The following MID2 variants were observed in gnomAD, a reference collection of about 807,000 sequenced individuals.
The protein encoded by MID2 is midline 2.
In MID2, 13 loss-of-function variants were observed where a neutral mutation model predicts 46.1. The observed-to-expected ratio is 0.28, with a 90% CI of 0.18 to 0.45. The LOEUF (loss-of-function observed/expected upper bound fraction) is 0.45, where lower values mean the gene tolerates loss of function less well. Among genes scored for constraint, MID2 ranks in the 20% least tolerant of loss-of-function variants. The pLI is 1.00. For missense variants in MID2, 431 were observed against 575.4 expected, an observed-to-expected ratio of 0.75 and a Z score of 2.57; for synonymous variants, 199 against 212.3, an observed-to-expected ratio of 0.94 and a Z score of 0.55.
chrX:107,884,614 C>T (rs73531498), intron 3 of MID2, among the ~76,000 whole-genome samples: 2,088 of 111,053 alleles, frequency 0.019, 52 homozygotes, highest in African/African-American at 0.064. Flanking sequence ...ACAGGAAAAT[C>T]CTCAAAAAAA....
intron 3 of MID2, among the ~76,000 whole-genome samples, chrX:107,877,594 A>C (rs929551943): frequency 8.9e-6 from 1 of 112,112 alleles, no homozygotes; most frequent in Non-Finnish European, 1.9e-5. Flanking sequence ...GCCTGCACTC[A>C]TAAAACAAGG....
chrX:107,905,113 A>G (rs746690833), intron 4 of MID2, among the ~76,000 whole-genome samples: 3 of 112,274 alleles, frequency 2.7e-5, no homozygotes, highest in East Asian at 5.6e-4. Context: ...AATGTAAACA[A>G]TTATAATCTC....
chrX:107,903,397 G>A (rs1381157670), intron 3 of MID2, among the ~76,000 whole-genome samples: 2 of 109,829 alleles, frequency 1.8e-5, no homozygotes, highest in Non-Finnish European at 3.8e-5. Flanking sequence ...AAATAGGAAA[G>A]GTATTCAGAT....
chrX:107,826,205 C>T lies in MID2; in HGVS notation c.-222C>T. ...GTAGCATCGCGGCCGCCGTGCTGTC[C>T]CCTGCGGGGCGCGCGGGCTGGCGGA... On this transcript the variant is annotated 5_prime_UTR_variant, in exon 1 of 10. Coordinates refer to ENST00000262843, the MANE Select transcript of MID2 (RefSeq NM_012216.4). The T allele has an allele frequency of 3.2e-6, 1 of 313,992 alleles. No homozygotes were observed. The highest frequency in any genetic ancestry group is 1.8e-4 in the South Asian group (1 of 5,595). The allele number at this position is 313,992 out of a possible 1,213,427, so 25.9% of individuals were successfully genotyped here. A position where few individuals can be genotyped will look rare whatever the true frequency, so the allele number is the denominator to read the frequency against.
At position 107,914,286 on chromosome X, in the gene MID2, T is replaced by C. The variant is rs186437697; in HGVS notation, c.1074-1716T>C. 1.1e-4 allele frequency among the ~76,000 whole-genome samples: 12 copies of C among 112,061 alleles called. 1 individual carries two copies. The Admixed American group carries it at 1.1e-3, about 11-fold the overall frequency. ...AGATGGATGGAGGAAATAAAGAAGA[T>C]TGGAGAGGCCAGAAAGAAATTCCAT... On this transcript the variant is annotated intron_variant, in intron 5 of 9. Transcript: ENST00000262843.
chrX:107,835,459 T>G, intron 1 of MID2, among the ~76,000 whole-genome samples: 1 of 112,367 alleles, frequency 8.9e-6, no homozygotes, highest in East Asian at 2.8e-4. Flanking sequence ...ATTTTTTATT[T>G]CTACCTGCAA....
At chrX:107,878,539 T>C (rs1009210233) in intron 3 of MID2, among the ~76,000 whole-genome samples, 3 of 112,517 alleles carry the variant, frequency 2.7e-5, no homozygotes, top group African/African-American at 9.7e-5. Context: ...TTTCAAACCA[T>C]AGAAGAAGAA....
chrX:107,850,723 C>T (rs1336487844), intron 2 of MID2, among the ~76,000 whole-genome samples: 2 of 112,003 alleles, frequency 1.8e-5, no homozygotes, highest in African/African-American at 3.2e-5. Context: ...TAACTCAAGG[C>T]GCATAGTCTA....
intron 1 of MID2, among the ~76,000 whole-genome samples, chrX:107,830,228 T>C (rs1228409781): frequency 8.9e-6 from 1 of 112,464 alleles, no homozygotes; most frequent in Non-Finnish European, 1.9e-5. Context: ...CACAGAGCCC[T>C]TAAAAGGGTG....
intron 7 of MID2, among the ~76,000 whole-genome samples, chrX:107,920,354 G>A (rs1439529924): frequency 8.9e-6 from 1 of 112,067 alleles, no homozygotes; most frequent in African/African-American, 3.2e-5. Flanking sequence ...CACAACCAAT[G>A]ATGTTTCAGA....
intron 3 of MID2, among the ~76,000 whole-genome samples, chrX:107,865,916 C>T (rs987406054): frequency 5.3e-5 from 6 of 112,505 alleles, no homozygotes; most frequent in African/African-American, 1.3e-4. Flanking sequence ...GGCAGGTTTA[C>T]GAATGTCCAA....
At chrX:107,883,044 G>T (rs180691544) in intron 3 of MID2, among the ~76,000 whole-genome samples, 2 of 111,442 alleles carry the variant, frequency 1.8e-5, no homozygotes, top group African/African-American at 6.5e-5. Flanking sequence ...AGTTCCTGTC[G>T]TTTGCAGGGA....
At chrX:107,847,412 A>G (rs765288713) in intron 2 of MID2, among the ~76,000 whole-genome samples, 1 of 111,749 alleles carries the variant, frequency 8.9e-6, no homozygotes, top group African/African-American at 3.3e-5. Flanking sequence ...AAAACAGGGA[A>G]TCATGAGTGA....
At chrX:107,828,305 C>CTTT (rs1290598489) in intron 1 of MID2, among the ~76,000 whole-genome samples, 2 of 89,055 alleles carry the variant, frequency 2.2e-5, no homozygotes, top group African/African-American at 1.1e-4. Flanking sequence ...TTCTTTCTTT[C>CTTT]TTTTCTTTTT....
At position 107,928,449 on chromosome X, in the gene MID2, G is replaced by A. The variant is rs1032860866; in HGVS notation, c.*1376G>A. Reference sequence around the variant, plus strand: ...TCGAAGGGATTGGGGATGTCAGAGAGCCAGAGCTTTCCCCTTTCCAGGAGC... The same window carrying A: ...TCGAAGGGATTGGGGATGTCAGAGAACCAGAGCTTTCCCCTTTCCAGGAGC... On this transcript the variant is annotated 3_prime_UTR_variant, in exon 10 of 10. Transcript: ENST00000262843. Among the ~76,000 whole-genome samples the A allele has an allele frequency of 7.2e-5, 8 of 110,619 alleles. No homozygotes were observed. The highest frequency in any genetic ancestry group is 2.0e-4 in the African/African-American group (6 of 30,368).
chrX:107,918,954 A>T (rs1265445083), intron 7 of MID2, among the ~76,000 whole-genome samples: 1 of 111,663 alleles, frequency 9.0e-6, no homozygotes, highest in African/African-American at 3.3e-5. Context: ...TGATAGGATC[A>T]TAGCATCTTA....
intron 3 of MID2, among the ~76,000 whole-genome samples, chrX:107,882,668 A>G (rs1296674800): frequency 8.9e-6 from 1 of 112,057 alleles, no homozygotes; most frequent in Non-Finnish European, 1.9e-5. Context: ...ATCTCACACC[A>G]GTTAGAATGG....
intron 2 of MID2, among the ~76,000 whole-genome samples, chrX:107,851,479 A>G (rs1312185125): frequency 9.0e-6 from 1 of 111,272 alleles, no homozygotes; most frequent in Non-Finnish European, 1.9e-5. Context: ...GACTTGCATT[A>G]CCCTACGGCC....
chrX:107,894,951 A>G (rs978673684), intron 3 of MID2: 1 of 109,598 alleles, frequency 9.1e-6, no homozygotes, highest in Non-Finnish European at 1.9e-5. Context: ...ATGTTGGTTG[A>G]CCAGGCCTGC....
Sources: gnomAD v4.1 joint callset for allele counts (sites outside exome capture counted in the v4.1 genomes callset) on GRCh38, gnomAD v4.1.1 for gene constraint, MANE v1.5 for transcripts, NCBI Gene and HGNC (gene_info 2026-07-23, HGNC 2026-07-21) for gene names.